INSR: variants seen among roughly 807,000 people sequenced by gnomAD.
INSR encodes the protein IR.
Under a neutral mutation model 142.6 loss-of-function variants are expected in INSR, and 67 were observed. That is an observed-to-expected ratio of 0.47 (90% CI 0.39 to 0.58). The LOEUF (loss-of-function observed/expected upper bound fraction) is 0.58. Ranked by LOEUF, INSR falls within the 20% of genes least tolerant of loss-of-function variation. The pLI, the probability that INSR is intolerant of heterozygous loss-of-function variation, is 0.00. For synonymous variants in INSR, 756 were observed against 743.1 expected, an observed-to-expected ratio of 1.02 and a Z score of -0.28; for missense variants, 1,248 against 1,833.2, an observed-to-expected ratio of 0.68 and a Z score of 5.83.
chr19:7,122,530 T>G (rs761675293), intron 19 of INSR, 84 bp downstream of exon 19: 1 of 1,422,664 alleles, frequency 7.0e-7, no homozygotes, highest in Non-Finnish European at 9.9e-7. Flanking sequence ...CAGAAAAGAC[T>G]TAACGGCTCA....
intron 2 of INSR, among the ~76,000 whole-genome samples, chr19:7,244,135 A>G (rs530577866): frequency 2.6e-5 from 4 of 152,340 alleles, no homozygotes; most frequent in African/African-American, 7.2e-5. Context: ...TATGCTATTC[A>G]TAGTAGCCAT....
At chr19:7,289,018 G>A (rs946721814) in intron 1 of INSR, among the ~76,000 whole-genome samples, 1 of 151,318 alleles carries the variant, frequency 6.6e-6, no homozygotes, top group Non-Finnish European at 1.5e-5. Flanking sequence ...TGGGAAGAGA[G>A]AGCCAACATC....
At position 7,166,131 on chromosome 19, in the gene INSR, TCACATTCCCAAGA is replaced by T; in HGVS notation, c.1861+10_1861+22del. Reference sequence around the variant, plus strand: ...CAAGAGGTCTGATTCACATACGAATTCACATTCCCAAGACACACTCACTGGTGGCATCTGTCTG... The same window carrying T: ...CAAGAGGTCTGATTCACATACGAATTCACACTCACTGGTGGCATCTGTCTG... On this transcript the variant is annotated intron_variant, in intron 8 of 21. Coordinates refer to ENST00000302850, the MANE Select transcript of INSR (RefSeq NM_000208.4). The surrounding 1 kb of genome is among the most constrained non-coding windows in gnomAD (Gnocchi z 4.1). 1 of 1,613,658 alleles carries T rather than the reference TCACATTCCCAAGA, an allele frequency of 6.2e-7. No individual in the cohort carries two copies. Among genetic ancestry groups the T allele is most frequent in the Non-Finnish European group, 8.5e-7 (1 of 1,179,824 alleles).
chr19:7,233,922 C>G (rs551029802), intron 2 of INSR, among the ~76,000 whole-genome samples: 1 of 151,264 alleles, frequency 6.6e-6, no homozygotes, highest in Admixed American at 6.6e-5. Context: ...GTGATGTGCC[C>G]GCATTCTGTC....
intron 2 of INSR, among the ~76,000 whole-genome samples, chr19:7,207,561 C>T (rs549780065): frequency 6.7e-5 from 10 of 149,818 alleles, no homozygotes; most frequent in Non-Finnish European, 1.2e-4. Flanking sequence ...GAAAATATCA[C>T]GAGAATAAAG....
At chr19:7,123,523 G>A (rs531203862) in intron 17 of INSR, among the ~76,000 whole-genome samples, 11 of 152,152 alleles carry the variant, frequency 7.2e-5, no homozygotes, top group South Asian at 4.1e-4. Context: ...CATCCACAGG[G>A]CCCAGCTCCT....
At chr19:7,248,632 T>G (rs2145167312) in intron 2 of INSR, among the ~76,000 whole-genome samples, 1 of 150,340 alleles carries the variant, frequency 6.7e-6, no homozygotes, top group Non-Finnish European at 1.5e-5. Flanking sequence ...GGAAAGCCCT[T>G]CATAAATATT....
intron 8 of INSR, among the ~76,000 whole-genome samples, chr19:7,164,554 A>G (rs1185845327): frequency 6.7e-6 from 1 of 150,310 alleles, no homozygotes. Flanking sequence ...GCGGTGGCTC[A>G]TGCCTGTAAT....
chr19:7,250,530 G>C (rs2145173338), intron 2 of INSR, among the ~76,000 whole-genome samples: 1 of 142,614 alleles, frequency 7.0e-6, no homozygotes, highest in South Asian at 2.3e-4. Flanking sequence ...GAAGGGAGAG[G>C]GAGGGAGAGA....
chr19:7,138,558 G>T (rs78461218), intron 13 of INSR, among the ~76,000 whole-genome samples: 1 of 150,894 alleles, frequency 6.6e-6, no homozygotes, highest in Admixed American at 6.6e-5. Context: ...TTTTTTTTTT[G>T]CAGAGATGGG....
At position 7,117,178 on chromosome 19, in the gene INSR, G is replaced by A. The variant is rs757085718; in HGVS notation, c.4027C>T (p.Arg1343Trp). 1.9e-6 allele frequency: 3 copies of A among 1,613,872 alleles called. No individual in the cohort carries two copies. Among genetic ancestry groups the A allele is most frequent in the Non-Finnish European group, 2.5e-6 (3 of 1,179,978 alleles). ...SHCQREEAGG[R>W]DGGSSLGFKR... is the part of the protein sequence containing the mutation. ...AAACCCAGCGAGGACCCTCCATCCC[G>A]GCCCCCCGCCTCCTCCCTCTGACAG... Residue 1343 changes from arginine to tryptophan, a missense_variant, in exon 22 of 22, where the codon CGG becomes TGG. By Grantham distance (101) the Arg-to-Trp change is moderately radical. Coordinates refer to ENST00000302850, the MANE Select transcript of INSR (RefSeq NM_000208.4).
chr19:7,265,015 A>G (rs925373433), intron 2 of INSR, among the ~76,000 whole-genome samples: 7 of 152,194 alleles, frequency 4.6e-5, no homozygotes, highest in African/African-American at 1.4e-4. Context: ...GGGCTCAGAT[A>G]AGAAGATCCT....
At chr19:7,154,403 T>C (rs1256472962) in intron 9 of INSR, among the ~76,000 whole-genome samples, 3 of 145,420 alleles carry the variant, frequency 2.1e-5, no homozygotes, top group East Asian at 2.2e-4. Flanking sequence ...CTTGGGTTCA[T>C]GGCATTCTCC....
intron 2 of INSR, among the ~76,000 whole-genome samples, chr19:7,259,013 CTCCTTCCCTCCTT>C (rs1399957430): frequency 6.8e-5 from 9 of 131,728 alleles, no homozygotes; most frequent in African/African-American, 2.3e-4. Context: ...TCTTTCATTT[CTCCTTCCCTCCTT>C]TCCTTCCCTC....
chr19:7,189,799 G>A (rs990846228), intron 2 of INSR, among the ~76,000 whole-genome samples: 1 of 151,860 alleles, frequency 6.6e-6, no homozygotes, highest in Non-Finnish European at 1.5e-5. Context: ...GAGTAGCTGG[G>A]ATTACAGGCA....
chr19:7,165,127 A>AAAAAC (rs76880492), intron 8 of INSR, among the ~76,000 whole-genome samples: 27,066 of 150,580 alleles, frequency 0.18, 2,691 homozygotes, highest in East Asian at 0.22. Flanking sequence ...CTCTGTCTCA[A>AAAAAC]AAAACAAAAC....
At chr19:7,202,996 G>GTT (rs371572449) in intron 2 of INSR, among the ~76,000 whole-genome samples, 1,899 of 67,576 alleles carry the variant, frequency 0.028, 28 homozygotes, top group Middle Eastern at 0.041. Context: ...GGGTTTTGTT[G>GTT]TTTTTTTTTT....
At chr19:7,128,258 G>A (rs998256108) in intron 15 of INSR, among the ~76,000 whole-genome samples, 2 of 151,046 alleles carry the variant, frequency 1.3e-5, no homozygotes, top group South Asian at 4.2e-4. Flanking sequence ...TGTCGCCCAG[G>A]CTAGAATGCA....
intron 2 of INSR, among the ~76,000 whole-genome samples, chr19:7,249,288 A>G (rs945584161): frequency 1.3e-5 from 2 of 152,110 alleles, no homozygotes; most frequent in African/African-American, 2.4e-5. Context: ...CAGGAATCCT[A>G]AGGTAAACCT....
Sources: allele counts gnomAD v4.1 joint callset (sites outside exome capture counted in the v4.1 genomes callset), GRCh38; gene constraint gnomAD v4.1.1; non-coding constraint Gnocchi (gnomAD v3.1); transcripts MANE v1.5; gene names NCBI Gene and HGNC (gene_info 2026-07-23, HGNC 2026-07-21).